SMCO4: variants seen among roughly 807,000 people sequenced by gnomAD.
SMCO4 encodes the protein single-pass membrane protein with coiled-coil domains 4.
Under a neutral mutation model 3.6 loss-of-function variants are expected in SMCO4, and 4 were observed. The observed-to-expected ratio is 1.11, with a 90% confidence interval of 0.54 to 2.53. The LOEUF is 2.53. SMCO4 is among the 30% of genes most tolerant of loss of function. The probability of loss-of-function intolerance (pLI) is 0.02; values close to 1 mark genes in which losing one functional copy is unlikely to be tolerated. For synonymous variants in SMCO4, 36 were observed against 35.3 expected (o/e 1.02, Z -0.07); for missense variants, 70 against 80.8 (o/e 0.87, Z 0.51).
At chr11:93,526,799 A>C (rs2248020) in intron 1 of SMCO4, among the ~76,000 whole-genome samples, 113,740 of 151,982 alleles carry the variant, frequency 0.75, 43,147 homozygotes, top group Middle Eastern at 0.8. Context: ...TTTATCACTC[A>C]CTGAGAAATG....
At chr11:93,509,604 T>C (rs929039974) in intron 1 of SMCO4, among the ~76,000 whole-genome samples, 2 of 152,298 alleles carry the variant, frequency 1.3e-5, no homozygotes, top group African/African-American at 4.8e-5. Flanking sequence ...AAAGAAACTG[T>C]GCTATACATA....
Position 93,479,196 on chromosome 11 carries a change from T to C in SMCO4, c.-7A>G. 1 of 1,612,692 alleles carries C rather than the reference T, an allele frequency of 6.2e-7. No individual in the cohort carries two copies. Among genetic ancestry groups the C allele is most frequent in the East Asian group, 2.2e-5 (1 of 44,852 alleles). On this transcript the variant is annotated 5_prime_UTR_variant, in exon 3 of 3. Coordinates refer to ENST00000298966, the MANE Select transcript of SMCO4 (RefSeq NM_020179.3). ...TCCCTTTGAGCTGCCGCATCTTTCCTAGAGGATGCTAGGAGGGTGTGTCCA... is the reference window on the plus strand; with the variant it reads ...TCCCTTTGAGCTGCCGCATCTTTCCCAGAGGATGCTAGGAGGGTGTGTCCA...
At chr11:93,506,196 C>T (rs1046580442) in intron 1 of SMCO4, among the ~76,000 whole-genome samples, 4 of 152,090 alleles carry the variant, frequency 2.6e-5, no homozygotes, top group East Asian at 1.9e-4. Flanking sequence ...ATATGGAAAG[C>T]GAGAGAATCT....
At chr11:93,507,132 C>T (rs1328256993) in intron 1 of SMCO4, among the ~76,000 whole-genome samples, 2 of 152,096 alleles carry the variant, frequency 1.3e-5, no homozygotes, top group Non-Finnish European at 2.9e-5. Context: ...GGGCCGGGTG[C>T]GGTGGCTCAC....
intron 2 of SMCO4, among the ~76,000 whole-genome samples, chr11:93,492,503 C>T (rs952946808): frequency 1.3e-5 from 2 of 152,170 alleles, no homozygotes; most frequent in African/African-American, 2.4e-5. Flanking sequence ...TGTCAAGGAA[C>T]AAAGTGCTAT....
upstream of SMCO4, among the ~76,000 whole-genome samples, chr11:93,547,579 C>T (rs1348170940): frequency 6.6e-6 from 1 of 152,160 alleles, no homozygotes; most frequent in Non-Finnish European, 1.5e-5. Flanking sequence ...AGAAAAGGGA[C>T]TGCGTTTGCT....
At chr11:93,517,495 T>G (rs917354259) in intron 1 of SMCO4, among the ~76,000 whole-genome samples, 3 of 152,166 alleles carry the variant, frequency 2.0e-5, no homozygotes, top group African/African-American at 7.2e-5. Flanking sequence ...AGAACAAGAT[T>G]TTTAAAATTC....
chr11:93,505,856 A>AATG (rs61060663), intron 1 of SMCO4, among the ~76,000 whole-genome samples: 13,244 of 149,678 alleles, frequency 0.088, 1,054 homozygotes, highest in African/African-American at 0.21. Flanking sequence ...AAGCCCTTGC[A>AATG]ATGATGATGA....
chr11:93,535,909 C>A (rs1157306601), intron 1 of SMCO4: 10 of 1,576,694 alleles, frequency 6.3e-6, no homozygotes, highest in Non-Finnish European at 8.6e-6. Context: ...GGTTCCCCCA[C>A]AGTAGGTGTT....
At chr11:93,493,453 G>A (rs2605607) in intron 2 of SMCO4, among the ~76,000 whole-genome samples, 7 of 151,822 alleles carry the variant, frequency 4.6e-5, no homozygotes, top group African/African-American at 1.7e-4. Flanking sequence ...TGTATCACAC[G>A]CCACCCCCAA....
At chr11:93,541,245 A>AG (rs1329925858) in intron 1 of SMCO4, among the ~76,000 whole-genome samples, 1 of 152,186 alleles carries the variant, frequency 6.6e-6, no homozygotes, top group Non-Finnish European at 1.5e-5. Context: ...GAAGTTGCCC[A>AG]GGGGGTCTAG....
chr11:93,512,333 C>T (rs1246667707), intron 1 of SMCO4, among the ~76,000 whole-genome samples: 2 of 152,034 alleles, frequency 1.3e-5, no homozygotes, highest in East Asian at 3.9e-4. Context: ...ATCATAAAAC[C>T]GTAGCACAAA....
Position 93,480,934 on chromosome 11 carries a change from T to C in SMCO4, c.-80-1665A>G, listed in dbSNP as rs1948585226. 2.6e-5 allele frequency among the ~76,000 whole-genome samples: 4 copies of C among 152,294 alleles called. No homozygotes were observed. In the South Asian group the frequency reaches 8.3e-4, roughly 32 times the overall value. On this transcript the variant is annotated intron_variant, in intron 2 of 2. Coordinates refer to ENST00000298966, the MANE Select transcript of SMCO4 (RefSeq NM_020179.3). ...TATGAGATGACAAATATTATTGTGC[T>C]AGGATGGCATAATGCCAATCAAAAG...
At chr11:93,529,135 T>C (rs1949140058) in intron 1 of SMCO4, among the ~76,000 whole-genome samples, 2 of 152,206 alleles carry the variant, frequency 1.3e-5, no homozygotes, top group African/African-American at 2.4e-5. Flanking sequence ...AAACTTCCTG[T>C]AGCACTCTGG....
intron 1 of SMCO4, among the ~76,000 whole-genome samples, chr11:93,530,222 G>T (rs539549224): frequency 1.3e-5 from 2 of 152,172 alleles, no homozygotes; most frequent in Non-Finnish European, 2.9e-5. Flanking sequence ...AAGGGGTCGT[G>T]GGGGGAAGAG....
chr11:93,479,035 G>A lies in SMCO4; in HGVS notation c.155C>T (p.Ala52Val). The A allele has an allele frequency of 6.2e-7, 1 of 1,610,776 alleles. No homozygotes were observed. The change falls in exon 3 of 3, where the codon GCC becomes GTC. Residue 52 changes from alanine to valine, a missense_variant. By Grantham distance (64) the Ala-to-Val change is moderately conservative. Transcript: ENST00000298966. ...TCACTCGGTGATGGTGGGGCGCGTG[G>A]CCACGTACACAAACACCACGATCAA... is the stretch of plus-strand genomic sequence containing the variant. ...VLLIVVFVYV[A>V]TRPTITE
chr11:93,497,697 T>C (rs974889128), intron 2 of SMCO4, among the ~76,000 whole-genome samples: 2 of 152,226 alleles, frequency 1.3e-5, no homozygotes, highest in Non-Finnish European at 2.9e-5. Context: ...CATGATGTTA[T>C]GCAAGACATT....
intron 1 of SMCO4, among the ~76,000 whole-genome samples, chr11:93,529,849 G>A (rs1377230645): frequency 6.6e-6 from 1 of 152,206 alleles, no homozygotes; most frequent in East Asian, 1.9e-4. Context: ...CAGATTGCAG[G>A]CTGAAGTGTT....
intron 1 of SMCO4, among the ~76,000 whole-genome samples, chr11:93,512,395 C>CCACA (rs1418665865): frequency 6.6e-6 from 1 of 152,160 alleles, no homozygotes; most frequent in Non-Finnish European, 1.5e-5. Context: ...TACTGCACTG[C>CCACA]CACATAAAGA....
Sources: gnomAD v4.1 joint callset for allele counts (sites outside exome capture counted in the v4.1 genomes callset) on GRCh38, gnomAD v4.1.1 for gene constraint, MANE v1.5 for transcripts, NCBI Gene and HGNC (gene_info 2026-07-23, HGNC 2026-07-21) for gene names.